Variants in APLF observed in about 807,000 individuals in gnomAD.
APLF encodes aprataxin and PNK-like factor.
A neutral mutation model predicts 55.6 loss-of-function variants in APLF; 61 were observed. The observed-to-expected ratio is 1.10, with a 90% CI of 0.89 to 1.36. The LOEUF (loss-of-function observed/expected upper bound fraction) is 1.36, where lower values mean the gene tolerates loss of function less well. Among genes scored for constraint, APLF ranks in the 40% most tolerant of loss-of-function variants. The probability of loss-of-function intolerance (pLI) is 0.00; values close to 1 mark genes in which losing one functional copy is unlikely to be tolerated. For synonymous variants in APLF, 207 were observed against 214.8 expected, an observed-to-expected ratio of 0.96 and a Z score of 0.32; for missense variants, 611 against 602.5, an observed-to-expected ratio of 1.01 and a Z score of -0.15.
intron 1 of APLF, among the ~76,000 whole-genome samples, chr2:68,478,618 A>G (rs564009210): frequency 9.8e-5 from 15 of 152,348 alleles, no homozygotes; most frequent in African/African-American, 3.4e-4. Context: ...CTGCTGCCCA[A>G]GCAGCAGCAG....
Position 68,545,295 on chromosome 2 carries a change from T to C in APLF, c.1269T>C (p.Tyr423=). 6.2e-7 allele frequency: 1 copy of C among 1,613,684 alleles called. No individual in the cohort carries two copies. The highest frequency in any genetic ancestry group is 8.5e-7 in the Non-Finnish European group (1 of 1,179,686). Residue 423 remains tyrosine (Y), a synonymous_variant, in exon 8 of 10, where the codon TAT becomes TAC. Transcript: ENST00000303795. The part of the protein sequence containing the change: ...DETDDRPECP[Y]GPSCYRKNPQ... Reference sequence around the variant, plus strand: ...CTGATGACCGGCCTGAATGTCCCTATGGACCATCCTGTTATAGGTATAGAA... The same window carrying C: ...CTGATGACCGGCCTGAATGTCCCTACGGACCATCCTGTTATAGGTATAGAA...
At chr2:68,518,547 T>C (rs2103966801) in intron 5 of APLF, among the ~76,000 whole-genome samples, 1 of 119,462 alleles carries the variant, frequency 8.4e-6, no homozygotes, top group East Asian at 2.4e-4. Context: ...TATAATAATA[T>C]ATCAATAATG....
chr2:68,533,820 T>C (rs1175869843), intron 6 of APLF, among the ~76,000 whole-genome samples: 2 of 152,190 alleles, frequency 1.3e-5, no homozygotes, highest in Non-Finnish European at 2.9e-5. Context: ...TAATTTTTGC[T>C]GAATTCTTTT....
intron 1 of APLF, among the ~76,000 whole-genome samples, chr2:68,477,276 A>G (rs1675810207): frequency 6.6e-6 from 1 of 152,156 alleles, no homozygotes; most frequent in Non-Finnish European, 1.5e-5. Flanking sequence ...GCTTACGACA[A>G]CGTGTGATGT....
chr2:68,513,246 C>CA lies in APLF; in HGVS notation c.489+20dup. The stretch of plus-strand genomic sequence containing the variant: ...TAGTGTGGTGAGAAATTTGATATCT[C>CA]ATCCATTTATAACATGTTCTTCAAG... On this transcript the variant is annotated intron_variant, in intron 4 of 9. Coordinates refer to ENST00000303795, the MANE Select transcript of APLF (RefSeq NM_173545.3). 2 of 1,591,772 alleles carry CA rather than the reference C, an allele frequency of 1.3e-6. No individual in the cohort carries two copies. Among genetic ancestry groups the CA allele is most frequent in the Non-Finnish European group, 1.7e-6 (2 of 1,171,378 alleles).
At chr2:68,547,071 A>G (rs1462157855) in intron 8 of APLF, among the ~76,000 whole-genome samples, 1 of 151,806 alleles carries the variant, frequency 6.6e-6, no homozygotes. Context: ...AATATATAAA[A>G]CCAATTGTAT....
chr2:68,573,014 A>C (rs1368269230), intron 9 of APLF, among the ~76,000 whole-genome samples: 1 of 152,232 alleles, frequency 6.6e-6, no homozygotes, highest in Non-Finnish European at 1.5e-5. Context: ...TCAGAAAAAC[A>C]TTTAGAATTG....
At chr2:68,500,219 A>G (rs1430205795) in intron 2 of APLF, among the ~76,000 whole-genome samples, 1 of 152,188 alleles carries the variant, frequency 6.6e-6, no homozygotes, top group Non-Finnish European at 1.5e-5. Flanking sequence ...ATTTAGGTTT[A>G]CGTTAGAGGA....
chr2:68,579,432 C>T lies in APLF; in HGVS notation c.*1410C>T. The T allele has an allele frequency of 1.0e-6, 1 of 952,394 alleles. No homozygotes were observed. Among genetic ancestry groups the T allele is most frequent in the Non-Finnish European group, 1.3e-6 (1 of 799,912 alleles). 59.0% of individuals were successfully genotyped at this position (952,394 alleles called of 1,614,324 possible). ...CTTAATCCTTGAAGTGTTACATAAT[C>T]TACTCCTAGGTATATACCCAGAGGA... On this transcript the variant is annotated 3_prime_UTR_variant, in exon 10 of 10. Transcript: ENST00000303795.
chr2:68,570,524 A>G (rs910436633), intron 9 of APLF, among the ~76,000 whole-genome samples: 12 of 149,338 alleles, frequency 8.0e-5, no homozygotes, highest in African/African-American at 2.0e-4. Context: ...GTTCCCACCT[A>G]TAAGTGAGAA....
chr2:68,517,100 T>C (rs1215886055), intron 5 of APLF, among the ~76,000 whole-genome samples: 1 of 124,514 alleles, frequency 8.0e-6, no homozygotes, highest in African/African-American at 3.2e-5. Flanking sequence ...ATATATAATA[T>C]ACTAATATAT....
chr2:68,560,945 A>T (rs1189547597), intron 8 of APLF, among the ~76,000 whole-genome samples: 1 of 152,138 alleles, frequency 6.6e-6, no homozygotes, highest in Non-Finnish European at 1.5e-5. Context: ...GTTATGAAAT[A>T]ACTGACTTTC....
intron 1 of APLF, among the ~76,000 whole-genome samples, chr2:68,487,583 T>C (rs1230735685): frequency 1.3e-5 from 2 of 152,124 alleles, no homozygotes; most frequent in Non-Finnish European, 2.9e-5. Flanking sequence ...GTTATTACAG[T>C]TGATGTATTA....
chr2:68,544,147 A>G (rs996254750), intron 7 of APLF, among the ~76,000 whole-genome samples: 2 of 151,728 alleles, frequency 1.3e-5, no homozygotes, highest in African/African-American at 4.8e-5. Flanking sequence ...AAGCCCGGCT[A>G]GTTGTATTTT....
At chr2:68,501,832 C>T (rs1347031040) in intron 2 of APLF, among the ~76,000 whole-genome samples, 3 of 152,082 alleles carry the variant, frequency 2.0e-5, no homozygotes, top group African/African-American at 7.2e-5. Context: ...TTAGAATCTT[C>T]CTTCCTATAT....
chr2:68,527,103 T>TG (rs1670084106), intron 6 of APLF, among the ~76,000 whole-genome samples: 1 of 138,720 alleles, frequency 7.2e-6, no homozygotes, highest in Non-Finnish European at 1.6e-5. Context: ...GTGCAGGGGC[T>TG]GGGCAGAGGC....
At chr2:68,533,027 G>T (rs1361301505) in intron 6 of APLF, among the ~76,000 whole-genome samples, 1 of 152,092 alleles carries the variant, frequency 6.6e-6, no homozygotes, top group Admixed American at 6.6e-5. Context: ...GGAGTTTAAG[G>T]CCAGCCTGGG....
At position 68,580,153 on chromosome 2, in the gene APLF, G is replaced by A. The variant is rs1671732189; in HGVS notation, c.*2131G>A. 1.1e-6 allele frequency: 1 copy of A among 916,420 alleles called. No individual in the cohort carries two copies. The highest frequency in any genetic ancestry group is 1.8e-5 in the African/African-American group (1 of 55,742). 56.8% of individuals were successfully genotyped at this position (916,420 alleles called of 1,614,324 possible). A position where few individuals can be genotyped will look rare whatever the true frequency, so the allele number is the denominator to read the frequency against. On this transcript the variant is annotated 3_prime_UTR_variant, in exon 10 of 10. Transcript: ENST00000303795. ...TAACTATTGTATAAATAAATGTATA[G>A]CTTAATTGACTGAAGTGTAATGAAA... is the stretch of plus-strand genomic sequence containing the variant.
Position 68,529,165 on chromosome 2 carries a change from G to T in APLF, c.804+2923G>T, listed in dbSNP as rs567141470. 4 of 1,272,628 alleles carry T rather than the reference G, an allele frequency of 3.1e-6. No individual in the cohort carries two copies. The highest frequency in any genetic ancestry group is 2.1e-5 in the African/African-American group (1 of 47,710). 78.8% of individuals were successfully genotyped at this position (1,272,628 alleles called of 1,614,324 possible). A position where few individuals can be genotyped will look rare whatever the true frequency, so the allele number is the denominator to read the frequency against. On this transcript the variant is annotated intron_variant, in intron 6 of 9. Coordinates refer to ENST00000303795, the MANE Select transcript of APLF (RefSeq NM_173545.3). The surrounding 1 kb of genome is among the most constrained non-coding windows in gnomAD (Gnocchi z 4.4). ...CAGACAGCACGGGTTTCTTCCTTGA[G>T]GGGGGGCTCCAGACAACAGGAGGCA...
Sources: allele counts gnomAD v4.1 joint callset (sites outside exome capture counted in the v4.1 genomes callset), GRCh38; gene constraint gnomAD v4.1.1; non-coding constraint Gnocchi (gnomAD v3.1); transcripts MANE v1.5; gene names NCBI Gene and HGNC (gene_info 2026-07-23, HGNC 2026-07-21).